Variants in HPSE2 observed in about 807,000 individuals in gnomAD.
HPSE2 encodes heparanase 2 (inactive).
A neutral mutation model predicts 60.5 loss-of-function variants in HPSE2; 38 were observed. The observed-to-expected ratio is 0.63, with a 90% CI of 0.48 to 0.82. HPSE2 has a LOEUF of 0.82. Ranked by LOEUF, HPSE2 falls within the 40% of genes least tolerant of loss-of-function variation. The probability of loss-of-function intolerance (pLI) is 0.00; values close to 1 mark genes in which losing one functional copy is unlikely to be tolerated. For missense variants in HPSE2, 713 were observed against 740.4 expected, an observed-to-expected ratio of 0.96 and a Z score of 0.43; for synonymous variants, 295 against 293.2, an observed-to-expected ratio of 1.01 and a Z score of -0.06.
At chr10:98,471,402 G>A (rs1269866108) in intron 11 of HPSE2, among the ~76,000 whole-genome samples, 3 of 152,136 alleles carry the variant, frequency 2.0e-5, no homozygotes, top group Non-Finnish European at 4.4e-5. Flanking sequence ...TGAACACCAC[G>A]GGTAGAAGAA....
chr10:98,686,739 G>C (rs1425853836), intron 6 of HPSE2, among the ~76,000 whole-genome samples: 1 of 152,044 alleles, frequency 6.6e-6, no homozygotes, highest in Admixed American at 6.6e-5. Flanking sequence ...GCATTTTATA[G>C]ATATTTTTGT....
At chr10:98,624,090 T>C (rs1168645109) in intron 7 of HPSE2, among the ~76,000 whole-genome samples, 1 of 152,226 alleles carries the variant, frequency 6.6e-6, no homozygotes, top group Non-Finnish European at 1.5e-5. Flanking sequence ...AGCAGAGTTC[T>C]AGTGGTGGGT....
chr10:98,560,509 C>A (rs1438847332), intron 9 of HPSE2, among the ~76,000 whole-genome samples: 1 of 152,270 alleles, frequency 6.6e-6, no homozygotes, highest in Non-Finnish European at 1.5e-5. Context: ...AGCCTGAGAC[C>A]AAAGCCCAGT....
chr10:98,819,422 T>TTC (rs1951369360), intron 3 of HPSE2, among the ~76,000 whole-genome samples: 1 of 5,344 alleles, frequency 1.9e-4, no homozygotes, highest in Non-Finnish European at 5.4e-4. Flanking sequence ...ACAATCATTC[T>TTC]TTTTTTTTTT....
chr10:98,702,240 C>A (rs532917587), intron 5 of HPSE2, among the ~76,000 whole-genome samples: 4 of 152,084 alleles, frequency 2.6e-5, no homozygotes, highest in Non-Finnish European at 5.9e-5. Context: ...TTAAAGGAAT[C>A]GATTCAACAA....
At chr10:98,985,896 G>T (rs1956332091) in intron 3 of HPSE2, among the ~76,000 whole-genome samples, 1 of 151,988 alleles carries the variant, frequency 6.6e-6, no homozygotes, top group Non-Finnish European at 1.5e-5. Context: ...AGATAAAGAA[G>T]GCCATTACAT....
intron 3 of HPSE2, among the ~76,000 whole-genome samples, chr10:99,045,357 A>G (rs915412766): frequency 1.3e-5 from 2 of 152,116 alleles, no homozygotes; most frequent in Non-Finnish European, 2.9e-5. Flanking sequence ...CAGCTAAAAC[A>G]GTATAAGAGG....
intron 3 of HPSE2, among the ~76,000 whole-genome samples, chr10:99,132,499 C>T (rs1053389444): frequency 3.9e-5 from 6 of 152,200 alleles, no homozygotes; most frequent in African/African-American, 1.4e-4. Flanking sequence ...CCAGCGAGAT[C>T]GATGCAGAAG....
At chr10:99,182,108 G>T (rs1808686625) in intron 2 of HPSE2, among the ~76,000 whole-genome samples, 2 of 152,192 alleles carry the variant, frequency 1.3e-5, no homozygotes, top group South Asian at 4.1e-4. Flanking sequence ...TGATGTTTAA[G>T]CCACCAAGTC....
At chr10:98,947,524 T>C (rs973806354) in intron 3 of HPSE2, among the ~76,000 whole-genome samples, 3 of 152,058 alleles carry the variant, frequency 2.0e-5, no homozygotes, top group South Asian at 2.1e-4. Context: ...CCAGGCACCA[T>C]TAAGAAAATT....
At chr10:99,246,003 C>T in the HPSE2 span, among the ~76,000 whole-genome samples, 3 of 152,238 alleles carry the variant, frequency 2.0e-5, no homozygotes, top group South Asian at 2.1e-4. Flanking sequence ...GTGAGAAACA[C>T]GCAAAACCAG....
intron 5 of HPSE2, among the ~76,000 whole-genome samples, chr10:98,701,243 AT>A (rs1249928419): frequency 8.2e-6 from 1 of 121,340 alleles, no homozygotes; most frequent in East Asian, 3.0e-4. Context: ...ACCAACCCAA[AT>A]GTCCAACAAT....
the HPSE2 span, among the ~76,000 whole-genome samples, chr10:99,274,011 G>A: frequency 2.6e-5 from 4 of 152,104 alleles, no homozygotes; most frequent in African/African-American, 7.2e-5. Flanking sequence ...TAACTTCCCT[G>A]GTAACATTTG....
At chr10:99,304,854 G>T in the HPSE2 span, among the ~76,000 whole-genome samples, 3 of 152,192 alleles carry the variant, frequency 2.0e-5, no homozygotes, top group African/African-American at 7.2e-5. Flanking sequence ...TGACAAAATA[G>T]AAGATTTAAG....
At chr10:98,820,569 C>T (rs977392143) in intron 3 of HPSE2, among the ~76,000 whole-genome samples, 1 of 152,140 alleles carries the variant, frequency 6.6e-6, no homozygotes, top group African/African-American at 2.4e-5. Context: ...AAGAGAATGC[C>T]TGTATGGCCT....
intron 9 of HPSE2, among the ~76,000 whole-genome samples, chr10:98,549,911 C>T (rs191466851): frequency 1.1e-4 from 16 of 152,288 alleles, no homozygotes; most frequent in Middle Eastern, 3.4e-3. Context: ...TCTACTCCCA[C>T]GGTTCAGCTC....
the HPSE2 span, among the ~76,000 whole-genome samples, chr10:99,252,882 A>T: frequency 3.3e-4 from 50 of 151,714 alleles, no homozygotes; most frequent in African/African-American, 1.1e-3. Context: ...GTCTCAAAAA[A>T]AAAAAAAAAA....
intron 3 of HPSE2, among the ~76,000 whole-genome samples, chr10:99,076,699 A>G (rs1324541636): frequency 6.6e-6 from 1 of 152,078 alleles, no homozygotes; most frequent in Admixed American, 6.5e-5. Context: ...TATTTTTCAT[A>G]CTTTTGTCTT....
chr10:98,716,067 T>C (rs537023229), intron 5 of HPSE2, among the ~76,000 whole-genome samples: 2 of 152,190 alleles, frequency 1.3e-5, no homozygotes, highest in South Asian at 4.1e-4. Context: ...TTTTGTATCA[T>C]TTCAACACTG....
Sources: gnomAD v4.1 joint callset for allele counts (sites outside exome capture counted in the v4.1 genomes callset) on GRCh38, gnomAD v4.1.1 for gene constraint, MANE v1.5 for transcripts, NCBI Gene and HGNC (gene_info 2026-07-23, HGNC 2026-07-21) for gene names.